Variants in EBF2 observed in about 807,000 individuals in gnomAD.
EBF2 encodes the protein EBF transcription factor 2.
Under a neutral mutation model 72.8 loss-of-function variants are expected in EBF2, and 21 were observed. The observed-to-expected ratio is 0.29, with a 90% confidence interval of 0.20 to 0.42. EBF2 has a LOEUF of 0.42. Ranked by LOEUF, EBF2 falls within the 10% of genes least tolerant of loss-of-function variation. The probability of loss-of-function intolerance (pLI) is 1.00; values close to 1 mark genes in which losing one functional copy is unlikely to be tolerated. For synonymous variants in EBF2, 299 were observed against 274.2 expected (o/e 1.09, Z -0.89); for missense variants, 637 against 731.2 (o/e 0.87, Z 1.49).
intron 6 of EBF2, among the ~76,000 whole-genome samples, chr8:25,918,302 T>C (rs1803257991): frequency 6.6e-6 from 1 of 152,216 alleles, no homozygotes; most frequent in East Asian, 1.9e-4. Flanking sequence ...CAGATATGAG[T>C]GCATTCTCTT....
intron 10 of EBF2, among the ~76,000 whole-genome samples, chr8:25,867,535 G>A (rs566473999): frequency 2.6e-5 from 4 of 152,136 alleles, no homozygotes; most frequent in African/African-American, 4.8e-5. Flanking sequence ...ACTACTTTGC[G>A]GACTGTTCTT....
chr8:25,866,235 A>C (rs1802312403), intron 10 of EBF2, among the ~76,000 whole-genome samples: 1 of 151,792 alleles, frequency 6.6e-6, no homozygotes, highest in Non-Finnish European at 1.5e-5. Flanking sequence ...ACAATGCCCC[A>C]AAATGACAAT....
chr8:25,858,327 G>T lies in EBF2; in HGVS notation c.1520C>A (p.Pro507His). ...ATGGAGAGGTCACTTACTTCCATAA[G>T]GAGAGCCGGTGGGTGAGCCATTTAG... is the stretch of plus-strand genomic sequence containing the variant. ...GFLNGSPTGSPYGIMSSSPTV... is the reference protein window; with the variant it reads ...GFLNGSPTGSHYGIMSSSPTV... Residue 507 changes from proline to histidine, a missense_variant, in exon 14 of 16, where the codon CCT (proline) becomes CAT (histidine). Pro to His is a moderately conservative substitution (Grantham distance 77, BLOSUM62 -2). This residue lies in a region of EBF2 where 259 missense variants were observed against 268.1 expected (regional missense o/e 0.97). Coordinates refer to ENST00000520164, the MANE Select transcript of EBF2 (RefSeq NM_022659.4). 6.2e-7 allele frequency: 1 copy of T among 1,614,156 alleles called. No individual in the cohort carries two copies. Among genetic ancestry groups the T allele is most frequent in the African/African-American group, 1.3e-5 (1 of 75,044 alleles).
At chr8:25,911,007 T>C (rs1585192614) in intron 6 of EBF2, among the ~76,000 whole-genome samples, 1 of 152,172 alleles carries the variant, frequency 6.6e-6, no homozygotes, top group African/African-American at 2.4e-5. Context: ...CATTTTTTTT[T>C]CCTCTTACTT....
intron 2 of EBF2, chr8:26,041,303 A>T: frequency 2.2e-6 from 1 of 456,396 alleles, no homozygotes; most frequent in Non-Finnish European, 4.0e-6. Context: ...CTGCCTTTAA[A>T]CAGGCACCAC....
intron 10 of EBF2, among the ~76,000 whole-genome samples, chr8:25,870,420 C>G (rs1052226963): frequency 1.5e-4 from 23 of 151,816 alleles, no homozygotes; most frequent in African/African-American, 4.6e-4. Context: ...TGCCTTTGTC[C>G]CTTTCCATCT....
chr8:25,946,427 G>T (rs1216445437), intron 6 of EBF2, among the ~76,000 whole-genome samples: 2 of 152,200 alleles, frequency 1.3e-5, no homozygotes, highest in Non-Finnish European at 2.9e-5. Flanking sequence ...AAATGGAAAA[G>T]TACCAAAGAC....
chr8:25,914,271 A>G (rs1013594001), intron 6 of EBF2, among the ~76,000 whole-genome samples: 1 of 152,162 alleles, frequency 6.6e-6, no homozygotes, highest in African/African-American at 2.4e-5. Flanking sequence ...TTCCAGTTGT[A>G]ATCTAGATCT....
At chr8:25,870,790 G>A (rs1259084538) in intron 10 of EBF2, among the ~76,000 whole-genome samples, 2 of 151,938 alleles carry the variant, frequency 1.3e-5, no homozygotes, top group Non-Finnish European at 2.9e-5. Context: ...AAGTAGATAA[G>A]GCAGAATTGT....
chr8:25,947,329 T>C (rs992764035), intron 6 of EBF2, among the ~76,000 whole-genome samples: 1 of 152,198 alleles, frequency 6.6e-6, no homozygotes, highest in African/African-American at 2.4e-5. Context: ...ACTTTGCTCC[T>C]CCTTTGTCTT....
At chr8:25,903,130 A>G (rs1331873594) in intron 7 of EBF2, among the ~76,000 whole-genome samples, 3 of 151,884 alleles carry the variant, frequency 2.0e-5, no homozygotes, top group African/African-American at 4.8e-5. Flanking sequence ...ACACAGGCAT[A>G]CAATGCACAG....
At position 26,000,865 on chromosome 8, in the gene EBF2, C is replaced by T. The variant is rs569247960; in HGVS notation, c.551+32220G>A. 2.6e-5 allele frequency among the ~76,000 whole-genome samples: 4 copies of T among 152,276 alleles called. 1 individual carries two copies. Among genetic ancestry groups the T allele is most frequent in the African/African-American group, 7.2e-5 (3 of 41,542 alleles). On this transcript the variant is annotated intron_variant, in intron 6 of 15. Transcript: ENST00000520164. ...GTAAAAATGCCAGCCGAAGAGCTAA[C>T]CCAATAAATAAAGGAAAATCGTTGT...
At chr8:25,884,367 A>G (rs572616855) in intron 10 of EBF2, among the ~76,000 whole-genome samples, 1 of 152,234 alleles carries the variant, frequency 6.6e-6, no homozygotes, top group African/African-American at 2.4e-5. Context: ...GGGAATGTGG[A>G]TGGAGAGGAG....
intron 7 of EBF2, among the ~76,000 whole-genome samples, chr8:25,906,608 A>C (rs1447422970): frequency 6.6e-6 from 1 of 152,084 alleles, no homozygotes; most frequent in African/African-American, 2.4e-5. Context: ...CTCTACTAAA[A>C]ATACAAAAAT....
At chr8:25,987,743 C>A (rs1388760609) in intron 6 of EBF2, among the ~76,000 whole-genome samples, 1 of 152,064 alleles carries the variant, frequency 6.6e-6, no homozygotes, top group Non-Finnish European at 1.5e-5. Context: ...TGCATAAGAA[C>A]CCACCCCCAT....
intron 7 of EBF2, among the ~76,000 whole-genome samples, chr8:25,903,823 G>A (rs979314448): frequency 6.6e-6 from 1 of 152,194 alleles, no homozygotes; most frequent in African/African-American, 2.4e-5. Context: ...TGAAAGAGGA[G>A]GGAATGAATC....
At chr8:25,879,613 T>A (rs1420811735) in intron 10 of EBF2, among the ~76,000 whole-genome samples, 3 of 152,148 alleles carry the variant, frequency 2.0e-5, no homozygotes, top group Non-Finnish European at 4.4e-5. Context: ...AGACCCACTC[T>A]CCAACTGACT....
intron 7 of EBF2, among the ~76,000 whole-genome samples, chr8:25,891,963 G>T (rs755450752): frequency 2.6e-5 from 4 of 152,062 alleles, no homozygotes; most frequent in Non-Finnish European, 4.4e-5. Context: ...AAAGAAACAG[G>T]ATAGCATAAT....
rs1174681112 is a variant in EBF2, at chr8:25,878,109, C to A, written c.1009+8646G>T. On this transcript the variant is annotated intron_variant, in intron 10 of 15. Coordinates refer to ENST00000520164, the MANE Select transcript of EBF2 (RefSeq NM_022659.4). Reference sequence around the variant, plus strand: ...CAAGCAGTGGACCACACGGCCAGCCCCCAAAGGCAGTGCTTCCGGCTGGTC... The same window carrying A: ...CAAGCAGTGGACCACACGGCCAGCCACCAAAGGCAGTGCTTCCGGCTGGTC... Among the ~76,000 whole-genome samples, 4 of 152,172 alleles carry A rather than the reference C, an allele frequency of 2.6e-5. No homozygotes were observed. The East Asian group carries it at 7.7e-4, about 29-fold the overall frequency.
Sources: gnomAD v4.1 joint callset for allele counts (sites outside exome capture counted in the v4.1 genomes callset) on GRCh38, gnomAD v4.1.1 for gene constraint, gnomAD v4.1.1 regional missense constraint, MANE v1.5 for transcripts, NCBI Gene and HGNC (gene_info 2026-07-23, HGNC 2026-07-21) for gene names.